Variants in MAGI2 observed in about 807,000 individuals in gnomAD.
MAGI2 encodes membrane-associated guanylate kinase, WW and PDZ domain-containing protein 2.
A neutral mutation model predicts 133.3 loss-of-function variants in MAGI2; 35 were observed. The observed-to-expected ratio is 0.26, with a 90% CI of 0.20 to 0.35. MAGI2 has a LOEUF of 0.35. Ranked by LOEUF, MAGI2 falls within the 10% of genes least tolerant of loss-of-function variation. The probability of loss-of-function intolerance (pLI) is 1.00; values close to 1 mark genes in which losing one functional copy is unlikely to be tolerated. For synonymous variants in MAGI2, 729 were observed against 710.6 expected, an observed-to-expected ratio of 1.03 and a Z score of -0.41; for missense variants, 1,636 against 1,863.4, an observed-to-expected ratio of 0.88 and a Z score of 2.25.
intron 20 of MAGI2, among the ~76,000 whole-genome samples, chr7:78,108,904 A>G (rs1029860617): frequency 1.3e-5 from 2 of 152,064 alleles, no homozygotes; most frequent in Admixed American, 6.6e-5. Context: ...TTATCAATAT[A>G]TACATCGTGT....
chr7:78,278,087 T>C (rs1273497382), intron 9 of MAGI2, among the ~76,000 whole-genome samples: 3 of 152,094 alleles, frequency 2.0e-5, no homozygotes, highest in Non-Finnish European at 4.4e-5. Flanking sequence ...GTAGGAGCAA[T>C]AGCATCTTGA....
chr7:78,706,679 T>G (rs1344199268), intron 2 of MAGI2, among the ~76,000 whole-genome samples: 9 of 152,060 alleles, frequency 5.9e-5, no homozygotes, highest in Admixed American at 5.9e-4. Context: ...ACATTTAAAT[T>G]ATCGACTCCT....
intron 2 of MAGI2, among the ~76,000 whole-genome samples, chr7:78,819,457 T>G (rs1266047723): frequency 6.6e-6 from 1 of 152,116 alleles, no homozygotes; most frequent in Non-Finnish European, 1.5e-5. Flanking sequence ...GGGAAATATC[T>G]CCCATTCCCC....
chr7:78,742,842 G>T (rs138266235), intron 2 of MAGI2, among the ~76,000 whole-genome samples: 9 of 152,210 alleles, frequency 5.9e-5, no homozygotes, highest in Non-Finnish European at 1.3e-4. Context: ...TGCTGGTAAG[G>T]GACCCTGACC....
At chr7:78,960,486 G>C (rs1308835401) in intron 2 of MAGI2, among the ~76,000 whole-genome samples, 1 of 152,036 alleles carries the variant, frequency 6.6e-6, no homozygotes, top group African/African-American at 2.4e-5. Context: ...AGTACTGCTA[G>C]AGTCTTTCTT....
At chr7:78,593,284 C>G (rs981059192) in intron 3 of MAGI2, among the ~76,000 whole-genome samples, 1 of 151,774 alleles carries the variant, frequency 6.6e-6, no homozygotes, top group Non-Finnish European at 1.5e-5. Context: ...CCCAGCTACT[C>G]GGGAGGCTGA....
intron 2 of MAGI2, among the ~76,000 whole-genome samples, chr7:78,812,251 T>C (rs1276192221): frequency 6.6e-6 from 1 of 152,182 alleles, no homozygotes; most frequent in African/African-American, 2.4e-5. Context: ...GCTAATTAAT[T>C]TGTGATTATT....
intron 2 of MAGI2, among the ~76,000 whole-genome samples, chr7:78,715,682 G>A (rs1819629206): frequency 6.6e-6 from 1 of 152,140 alleles, no homozygotes; most frequent in Non-Finnish European, 1.5e-5. Context: ...TAAAATAATA[G>A]TAGCATTATA....
At chr7:79,397,959 C>T (rs1252974884) in intron 1 of MAGI2, among the ~76,000 whole-genome samples, 1 of 152,048 alleles carries the variant, frequency 6.6e-6, no homozygotes, top group Non-Finnish European at 1.5e-5. Flanking sequence ...TAATATATTT[C>T]CTTGTTTTTA....
chr7:79,042,760 A>C (rs541313985), intron 1 of MAGI2, among the ~76,000 whole-genome samples: 21 of 152,092 alleles, frequency 1.4e-4, no homozygotes, highest in Admixed American at 5.9e-4. Flanking sequence ...TCCACAGAAC[A>C]CTCCACCCAA....
intron 9 of MAGI2, among the ~76,000 whole-genome samples, chr7:78,311,288 G>A (rs1798680654): frequency 6.6e-6 from 1 of 152,164 alleles, no homozygotes; most frequent in Non-Finnish European, 1.5e-5. Context: ...TGGGGAGGGT[G>A]GAAAAGAGGA....
intron 18 of MAGI2, among the ~76,000 whole-genome samples, chr7:78,129,773 T>C (rs1311903613): frequency 6.6e-6 from 1 of 151,788 alleles, no homozygotes; most frequent in Non-Finnish European, 1.5e-5. Flanking sequence ...CCGTCTCTAC[T>C]AAAAATACAA....
chr7:79,219,596 A>G (rs1830285317), intron 1 of MAGI2, among the ~76,000 whole-genome samples: 1 of 152,058 alleles, frequency 6.6e-6, no homozygotes. Context: ...GAATTTGGTT[A>G]TAAAAAATAA....
At chr7:78,486,277 C>T (rs761550756) in intron 6 of MAGI2, 7 of 151,870 alleles carry the variant, frequency 4.6e-5, no homozygotes, top group Admixed American at 6.6e-5. Flanking sequence ...AAACCACCTC[C>T]GATTTTTGGG....
intron 2 of MAGI2, among the ~76,000 whole-genome samples, chr7:78,951,361 A>G (rs1162549457): frequency 6.6e-6 from 1 of 152,188 alleles, no homozygotes; most frequent in Non-Finnish European, 1.5e-5. Flanking sequence ...TAAAGAAAAG[A>G]GTTTTAATTG....
intron 6 of MAGI2, among the ~76,000 whole-genome samples, chr7:78,382,812 T>C (rs1309421712): frequency 6.6e-6 from 1 of 152,092 alleles, no homozygotes. Context: ...TCTCTACCTC[T>C]ATATGATCAC....
At chr7:78,385,565 T>C (rs1562925367) in intron 6 of MAGI2, among the ~76,000 whole-genome samples, 1 of 152,186 alleles carries the variant, frequency 6.6e-6, no homozygotes, top group East Asian at 1.9e-4. Context: ...GAAAGTAATG[T>C]CCAAATTCAA....
chr7:78,916,360 C>T (rs1286861792), intron 2 of MAGI2, among the ~76,000 whole-genome samples: 2 of 152,000 alleles, frequency 1.3e-5, no homozygotes, highest in Non-Finnish European at 2.9e-5. Context: ...TTTATTTATT[C>T]ATTCAACAAT....
chr7:78,471,103 G>A (rs183228565), intron 6 of MAGI2, among the ~76,000 whole-genome samples: 1 of 152,194 alleles, frequency 6.6e-6, no homozygotes, highest in Non-Finnish European at 1.5e-5. Flanking sequence ...TGTGTTAGAA[G>A]TGAATATTTT....
Sources: gnomAD v4.1 joint callset for allele counts (sites outside exome capture counted in the v4.1 genomes callset) on GRCh38, gnomAD v4.1.1 for gene constraint, MANE v1.5 for transcripts, NCBI Gene and HGNC (gene_info 2026-07-23, HGNC 2026-07-21) for gene names.